SH3RF3: variants seen among roughly 807,000 people sequenced by gnomAD.
SH3RF3 encodes the protein SH3 domain containing ring finger 3.
A neutral mutation model predicts 66.3 loss-of-function variants in SH3RF3; 29 were observed. That is an observed-to-expected ratio of 0.44 (90% CI 0.33 to 0.60). SH3RF3 has a LOEUF of 0.60. SH3RF3 is among the 20% of genes least tolerant of loss of function. The probability of loss-of-function intolerance (pLI) is 0.04; values close to 1 mark genes in which losing one functional copy is unlikely to be tolerated. For synonymous variants in SH3RF3, 583 were observed against 532.0 expected, an observed-to-expected ratio of 1.10 and a Z score of -1.32; for missense variants, 1,194 against 1,190.9, an observed-to-expected ratio of 1.00 and a Z score of -0.04.
At chr2:109,415,640 G>A (rs1054706960) in intron 4 of SH3RF3, among the ~76,000 whole-genome samples, 9 of 152,112 alleles carry the variant, frequency 5.9e-5, no homozygotes, top group East Asian at 1.9e-4. Flanking sequence ...CTCCAGGGAC[G>A]CCGTGCCCTC....
intron 9 of SH3RF3, among the ~76,000 whole-genome samples, chr2:109,500,194 G>A (rs1679354636): frequency 6.6e-6 from 1 of 152,164 alleles, no homozygotes; most frequent in Admixed American, 6.5e-5. Context: ...TGAGCTGTTA[G>A]AAGCTATGTT....
chr2:109,458,028 G>T (rs1559094344), intron 8 of SH3RF3, among the ~76,000 whole-genome samples: 1 of 152,098 alleles, frequency 6.6e-6, no homozygotes, highest in Non-Finnish European at 1.5e-5. Context: ...GTTTTATTTT[G>T]TTTTTTCAGG....
chr2:109,235,053 T>C (rs1679611602), intron 1 of SH3RF3, among the ~76,000 whole-genome samples: 1 of 152,202 alleles, frequency 6.6e-6, no homozygotes, highest in South Asian at 2.1e-4. Context: ...TAGGCCATCA[T>C]GTTCTCCTTT....
chr2:109,184,182 T>C (rs1157959813), intron 1 of SH3RF3, among the ~76,000 whole-genome samples: 1 of 152,142 alleles, frequency 6.6e-6, no homozygotes, highest in Non-Finnish European at 1.5e-5. Context: ...CTTGGGTAAA[T>C]CCATATCTCC....
chr2:109,142,365 C>T (rs757127161), intron 1 of SH3RF3, among the ~76,000 whole-genome samples: 1 of 152,178 alleles, frequency 6.6e-6, no homozygotes, highest in African/African-American at 2.4e-5. Context: ...TGTGCCTCCT[C>T]TGATTTTAAT....
intron 1 of SH3RF3, among the ~76,000 whole-genome samples, chr2:109,157,693 T>C (rs1011195994): frequency 1.3e-5 from 2 of 152,192 alleles, no homozygotes; most frequent in Non-Finnish European, 2.9e-5. Flanking sequence ...CTGCCTGTTT[T>C]ATCACCTACA....
In SH3RF3 at chr2:109,300,128, A is replaced by G. The variant is rs12614179; in HGVS notation, c.574-47546A>G. Among the ~76,000 whole-genome samples the G allele has an allele frequency of 8.4e-3, 1,284 of 152,268 alleles. 13 individuals are homozygous for G. Among genetic ancestry groups the G allele is most frequent in the East Asian group, 0.046 (240 of 5,170 alleles). ...TGGACATTTGATGACAGCTAGGTGC[A>G]TGTGTCCCTGCACACACAGGGATGG... is the stretch of plus-strand genomic sequence containing the variant. On this transcript the variant is annotated intron_variant, in intron 1 of 9. Coordinates refer to ENST00000309415, the MANE Select transcript of SH3RF3 (RefSeq NM_001099289.3).
rs1050012482 is a variant in SH3RF3, at chr2:109,307,692, C to T, written c.574-39982C>T. On this transcript the variant is annotated intron_variant, in intron 1 of 9. Coordinates refer to ENST00000309415, the MANE Select transcript of SH3RF3 (RefSeq NM_001099289.3). ...TGTGGTGTTTGGTTTTTTGCTCTTG[C>T]GATAGTTTACTGAGAATGATGATTT... Among the ~76,000 whole-genome samples, 17 of 146,952 alleles carry T rather than the reference C, an allele frequency of 1.2e-4. No homozygotes were observed. In the East Asian group the frequency reaches 2.2e-3, roughly 19 times the overall value.
intron 1 of SH3RF3, among the ~76,000 whole-genome samples, chr2:109,216,835 C>G (rs1335523108): frequency 6.6e-6 from 1 of 152,202 alleles, no homozygotes; most frequent in Non-Finnish European, 1.5e-5. Flanking sequence ...GCAAACAGTT[C>G]AGTGGCATTA....
rs182962511 is a variant in SH3RF3, at chr2:109,238,258, T to C, written c.573+108145T>C. On this transcript the variant is annotated intron_variant, in intron 1 of 9. Coordinates refer to ENST00000309415, the MANE Select transcript of SH3RF3 (RefSeq NM_001099289.3). ...GAAGACTAATTCAATAGAAAAGTGTTGGCTCTAAAAATGAAGCAGGATACC... is the reference window on the plus strand; with the variant it reads ...GAAGACTAATTCAATAGAAAAGTGTCGGCTCTAAAAATGAAGCAGGATACC... Among the ~76,000 whole-genome samples, 1,124 of 152,244 alleles carry C rather than the reference T, an allele frequency of 7.4e-3. 9 individuals carry two copies. The highest frequency in any genetic ancestry group is 0.024 in the South Asian group (115 of 4,826).
intron 1 of SH3RF3, among the ~76,000 whole-genome samples, chr2:109,324,011 G>A (rs1035326466): frequency 1.3e-5 from 2 of 152,120 alleles, no homozygotes; most frequent in African/African-American, 2.4e-5. Context: ...TGTAATTTCT[G>A]TCCCTGTGGA....
intron 4 of SH3RF3, among the ~76,000 whole-genome samples, chr2:109,418,373 C>T (rs535019437): frequency 6.6e-6 from 1 of 152,302 alleles, no homozygotes; most frequent in East Asian, 1.9e-4. Flanking sequence ...TGTTCTCTCA[C>T]AGCTCTAGAG....
At chr2:109,136,196 A>G (rs1235814123) in intron 1 of SH3RF3, among the ~76,000 whole-genome samples, 1 of 151,876 alleles carries the variant, frequency 6.6e-6, no homozygotes, top group Non-Finnish European at 1.5e-5. Flanking sequence ...TCTATCTTTT[A>G]CAGTTAACAT....
rs183310108 is a variant in SH3RF3 at position 109,155,332 on chromosome 2, G to A, written c.573+25219G>A. The stretch of plus-strand genomic sequence containing the variant: ...TGTTTTGTTTTAGAGATGGAGTCTC[G>A]CTCTGTTGCCCAGGCTGGAATGCAG... On this transcript the variant is annotated intron_variant, in intron 1 of 9. Transcript: ENST00000309415. Among the ~76,000 whole-genome samples the A allele has an allele frequency of 3.8e-3, 585 of 152,186 alleles. 6 individuals are homozygous for A. Among genetic ancestry groups the A allele is most frequent in the African/African-American group, 0.013 (553 of 41,522 alleles).
chr2:109,276,368 A>G (rs1288778885), intron 1 of SH3RF3, among the ~76,000 whole-genome samples: 1 of 152,206 alleles, frequency 6.6e-6, no homozygotes, highest in Non-Finnish European at 1.5e-5. Context: ...CCCGTAGTAG[A>G]TGTAGCAGCT....
intron 1 of SH3RF3, among the ~76,000 whole-genome samples, chr2:109,343,208 C>T (rs1302285169): frequency 6.6e-6 from 1 of 152,098 alleles, no homozygotes; most frequent in Non-Finnish European, 1.5e-5. Context: ...GCCTTAGGCC[C>T]CTTCCATGGA....
chr2:109,396,732 G>A (rs1676158624), intron 3 of SH3RF3, among the ~76,000 whole-genome samples: 1 of 152,182 alleles, frequency 6.6e-6, no homozygotes. Context: ...GGCCCCTCCT[G>A]GCACCTGCGG....
chr2:109,314,104 A>G (rs1008573229), intron 1 of SH3RF3, among the ~76,000 whole-genome samples: 3 of 152,082 alleles, frequency 2.0e-5, no homozygotes, highest in Non-Finnish European at 4.4e-5. Flanking sequence ...TGGGGGACAC[A>G]GTAGCGGAAA....
intron 7 of SH3RF3, among the ~76,000 whole-genome samples, chr2:109,438,211 AG>A (rs1239071874): frequency 6.6e-6 from 1 of 152,186 alleles, no homozygotes; most frequent in Non-Finnish European, 1.5e-5. Context: ...AAGGGGTGGG[AG>A]GTAAGTGTCT....
Sources: allele counts gnomAD v4.1 joint callset (sites outside exome capture counted in the v4.1 genomes callset), GRCh38; gene constraint gnomAD v4.1.1; transcripts MANE v1.5; gene names NCBI Gene and HGNC (gene_info 2026-07-23, HGNC 2026-07-21).